Variants in PTGER3 observed in about 807,000 individuals in gnomAD.
PTGER3 encodes prostaglandin E receptor 3.
A neutral mutation model predicts 34.7 loss-of-function variants in PTGER3; 22 were observed. The ratio of observed to expected loss-of-function variants is 0.63; its 90% CI spans 0.45 to 0.91. PTGER3 has a LOEUF of 0.91. Ranked by LOEUF, PTGER3 falls within the 40% of genes least tolerant of loss-of-function variation. The probability of loss-of-function intolerance (pLI) is 0.00; values close to 1 mark genes in which losing one functional copy is unlikely to be tolerated. For synonymous variants in PTGER3, 241 were observed against 230.1 expected (o/e 1.05, Z -0.43); for missense variants, 468 against 519.4 (o/e 0.90, Z 0.96).
At chr1:70,982,139 A>T (rs1225973192) in intron 2 of PTGER3, among the ~76,000 whole-genome samples, 2 of 152,160 alleles carry the variant, frequency 1.3e-5, no homozygotes, top group East Asian at 3.8e-4. Flanking sequence ...AAATTGAGAG[A>T]CTTTGAAACT....
At chr1:70,887,460 T>C (rs984546455) in intron 4 of PTGER3, among the ~76,000 whole-genome samples, 3 of 152,194 alleles carry the variant, frequency 2.0e-5, no homozygotes, top group African/African-American at 7.2e-5. Context: ...GTTGGTAACA[T>C]TCCTGCCTCC....
intron 4 of PTGER3, among the ~76,000 whole-genome samples, chr1:70,912,803 A>G (rs919632149): frequency 7.2e-5 from 11 of 152,068 alleles, no homozygotes; most frequent in African/African-American, 2.7e-4. Flanking sequence ...AAATCAGTTG[A>G]CCATATAAAT....
chr1:71,035,957 T>C (rs1454003011), intron 1 of PTGER3, among the ~76,000 whole-genome samples: 1 of 152,246 alleles, frequency 6.6e-6, no homozygotes, highest in African/African-American at 2.4e-5. Flanking sequence ...GAGATCTTCC[T>C]TGACACTCTC....
downstream of PTGER3, among the ~76,000 whole-genome samples, chr1:70,949,035 GCTCCTCCATTCT>G (rs1242570486): frequency 1.3e-5 from 2 of 152,254 alleles, no homozygotes; most frequent in South Asian, 2.1e-4. Context: ...TATTCACAGA[GCTCCTCCATTCT>G]CTCCTCCATT....
At chr1:71,006,565 G>T (rs1328888353) in intron 2 of PTGER3, 2 of 982,560 alleles carry the variant, frequency 2.0e-6, no homozygotes, top group East Asian at 2.3e-4. Context: ...ATTTATAAAT[G>T]CACTCTGTGT....
chr1:70,896,214 C>A (rs1435348389), intron 4 of PTGER3, among the ~76,000 whole-genome samples: 2 of 152,026 alleles, frequency 1.3e-5, no homozygotes, highest in Non-Finnish European at 2.9e-5. Context: ...AGTCCTAATC[C>A]GTAGTATCTA....
chr1:70,947,983 T>C (rs1340509342), downstream of PTGER3, among the ~76,000 whole-genome samples: 5 of 152,164 alleles, frequency 3.3e-5, no homozygotes, highest in Non-Finnish European at 5.9e-5. Context: ...AATTAAGTGC[T>C]AGAGAGCACA....
At chr1:70,946,986 A>G (rs1055259483) in intron 4 of PTGER3, among the ~76,000 whole-genome samples, 1 of 152,118 alleles carries the variant, frequency 6.6e-6, no homozygotes, top group African/African-American at 2.4e-5. Context: ...AGCACGGTAC[A>G]TTAGAAAAGG....
chr1:70,957,969 A>G (rs907099833), intron 2 of PTGER3, among the ~76,000 whole-genome samples: 1 of 152,092 alleles, frequency 6.6e-6, no homozygotes, highest in African/African-American at 2.4e-5. Context: ...ACATAATATA[A>G]TGTCCTCCAG....
At chr1:70,864,692 C>G (rs1408142961) in intron 4 of PTGER3, among the ~76,000 whole-genome samples, 5 of 152,168 alleles carry the variant, frequency 3.3e-5, no homozygotes, top group Non-Finnish European at 7.3e-5. Flanking sequence ...TTATATAATC[C>G]TTACTATAAG....
intron 1 of PTGER3, among the ~76,000 whole-genome samples, chr1:71,024,438 C>T (rs1049535886): frequency 3.9e-5 from 6 of 152,126 alleles, no homozygotes; most frequent in East Asian, 3.9e-4. Flanking sequence ...TCTCAATAAT[C>T]GAAAATTGTT....
Position 70,872,526 on chromosome 1 carries a change from T to C in PTGER3, c.*24-19667A>G, listed in dbSNP as rs538182028. Among the ~76,000 whole-genome samples, 9 of 152,278 alleles carry C rather than the reference T, an allele frequency of 5.9e-5. No individual in the cohort carries two copies. In the East Asian group the frequency reaches 1.2e-3, roughly 20 times the overall value. On this transcript the variant is annotated intron_variant, in intron 4 of 4. Transcript: ENST00000370931. ...ATTGCTCGCAACTTATAATAACAAA[T>C]GAATAAAATTCTACCTTTGGTCTCC...
At chr1:70,986,339 T>C (rs1266819467) in intron 2 of PTGER3, among the ~76,000 whole-genome samples, 1 of 152,216 alleles carries the variant, frequency 6.6e-6, no homozygotes, top group Non-Finnish European at 1.5e-5. Context: ...AGACTCACCC[T>C]GAAGTCTTTC....
At chr1:70,996,818 C>T (rs974260398) in intron 2 of PTGER3, among the ~76,000 whole-genome samples, 3 of 152,204 alleles carry the variant, frequency 2.0e-5, no homozygotes, top group Non-Finnish European at 4.4e-5. Context: ...CGCCCGCCAC[C>T]GCGCCCAGCC....
At chr1:70,917,333 C>T (rs1647197280) in intron 4 of PTGER3, among the ~76,000 whole-genome samples, 1 of 150,874 alleles carries the variant, frequency 6.6e-6, no homozygotes, top group Admixed American at 6.6e-5. Context: ...ATATAATGTC[C>T]TTCAGGTTCA....
At chr1:71,019,348 G>A (rs1658197151) in intron 1 of PTGER3, among the ~76,000 whole-genome samples, 2 of 152,120 alleles carry the variant, frequency 1.3e-5, no homozygotes, top group Non-Finnish European at 2.9e-5. Context: ...TCTGGTCAAG[G>A]GAGTCGTGAG....
At chr1:70,903,665 T>A (rs1646886690) in intron 4 of PTGER3, among the ~76,000 whole-genome samples, 1 of 152,146 alleles carries the variant, frequency 6.6e-6, no homozygotes. Context: ...GTTGACAGCT[T>A]TAAATGGCAT....
intron 1 of PTGER3, among the ~76,000 whole-genome samples, chr1:71,014,510 T>G (rs1657719526): frequency 1.3e-5 from 2 of 152,100 alleles, no homozygotes; most frequent in African/African-American, 4.8e-5. Context: ...CCCCAACCCT[T>G]TATGTGATGG....
At chr1:70,892,490 T>C (rs1646638145) in intron 4 of PTGER3, among the ~76,000 whole-genome samples, 1 of 152,136 alleles carries the variant, frequency 6.6e-6, no homozygotes, top group Admixed American at 6.5e-5. Context: ...TGTTCATAGA[T>C]AGATTGTACT....
Sources: gnomAD v4.1 joint callset for allele counts (sites outside exome capture counted in the v4.1 genomes callset) on GRCh38, gnomAD v4.1.1 for gene constraint, MANE v1.5 for transcripts, NCBI Gene and HGNC (gene_info 2026-07-23, HGNC 2026-07-21) for gene names.